ZNF423: variants seen among roughly 807,000 people sequenced by gnomAD.
ZNF423 encodes the protein Ebf-associated zinc finger protein.
A neutral mutation model predicts 95.8 loss-of-function variants in ZNF423; 12 were observed. That is an observed-to-expected ratio of 0.13 (90% CI 0.08 to 0.20). The LOEUF (loss-of-function observed/expected upper bound fraction) is 0.20. Ranked by LOEUF, ZNF423 falls within the 10% of genes least tolerant of loss-of-function variation. ZNF423 has a pLI of 1.00. For missense variants in ZNF423, 1,316 were observed against 1,737.1 expected, an observed-to-expected ratio of 0.76 and a Z score of 4.31; for synonymous variants, 749 against 711.9, an observed-to-expected ratio of 1.05 and a Z score of -0.83.
intron 7 of ZNF423, among the ~76,000 whole-genome samples, chr16:49,509,555 A>C (rs1367258468): frequency 6.6e-6 from 1 of 152,124 alleles, no homozygotes; most frequent in Non-Finnish European, 1.5e-5. Context: ...CTCATCATTA[A>C]TTTCTTTGTA....
chr16:49,698,863 T>G (rs2032070454), intron 3 of ZNF423, among the ~76,000 whole-genome samples: 1 of 152,208 alleles, frequency 6.6e-6, no homozygotes, highest in Non-Finnish European at 1.5e-5. Flanking sequence ...AAATTTAGAT[T>G]AATAAAGCAT....
At chr16:49,795,555 G>A (rs1230063582) in intron 1 of ZNF423, among the ~76,000 whole-genome samples, 2 of 152,192 alleles carry the variant, frequency 1.3e-5, no homozygotes, top group Admixed American at 6.5e-5. Flanking sequence ...CCTTCCCAGG[G>A]CTGAGTGTGA....
chr16:49,694,036 G>C (rs571641498), intron 3 of ZNF423, among the ~76,000 whole-genome samples: 25 of 152,346 alleles, frequency 1.6e-4, no homozygotes, highest in African/African-American at 6.0e-4. Context: ...CTAGAGCCAA[G>C]TCTCACGAAA....
intron 2 of ZNF423, among the ~76,000 whole-genome samples, chr16:49,766,444 T>C (rs1404497661): frequency 6.6e-6 from 1 of 152,208 alleles, no homozygotes; most frequent in Non-Finnish European, 1.5e-5. Flanking sequence ...TTCCGTCAGC[T>C]AGAGGGAGAC....
At chr16:49,750,385 G>A (rs2033611511) in intron 2 of ZNF423, among the ~76,000 whole-genome samples, 1 of 152,204 alleles carries the variant, frequency 6.6e-6, no homozygotes, top group Admixed American at 6.5e-5. Flanking sequence ...TGTCCTGGGG[G>A]ATCCCAGGTG....
intron 5 of ZNF423, among the ~76,000 whole-genome samples, chr16:49,617,274 A>C (rs573350980): frequency 6.6e-6 from 1 of 152,302 alleles, no homozygotes; most frequent in East Asian, 1.9e-4. Context: ...GAGGCTCTGA[A>C]GCCCACTGGG....
intron 1 of ZNF423, among the ~76,000 whole-genome samples, chr16:49,829,250 T>C (rs1375917278): frequency 1.3e-5 from 2 of 152,194 alleles, no homozygotes; most frequent in African/African-American, 4.8e-5. Flanking sequence ...CAATCTGGCA[T>C]TGGCAATCCT....
chr16:49,630,116 C>T (rs1020848021), intron 4 of ZNF423, among the ~76,000 whole-genome samples: 5 of 152,132 alleles, frequency 3.3e-5, no homozygotes, highest in African/African-American at 4.8e-5. Context: ...TGGAAAGGCC[C>T]TGGGAAGAGC....
At chr16:49,791,640 A>G (rs1408081461) in intron 1 of ZNF423, among the ~76,000 whole-genome samples, 1 of 152,198 alleles carries the variant, frequency 6.6e-6, no homozygotes, top group African/African-American at 2.4e-5. Flanking sequence ...AAGAGGTCAG[A>G]TATGTTAAAT....
At chr16:49,625,896 A>G (rs1972245179) in intron 5 of ZNF423, among the ~76,000 whole-genome samples, 1 of 152,236 alleles carries the variant, frequency 6.6e-6, no homozygotes, top group African/African-American at 2.4e-5. Flanking sequence ...TGACAATTGG[A>G]AAGCACTTTG....
At chr16:49,625,656 A>G (rs1054210710) in intron 5 of ZNF423, among the ~76,000 whole-genome samples, 1 of 152,204 alleles carries the variant, frequency 6.6e-6, no homozygotes, top group Non-Finnish European at 1.5e-5. Flanking sequence ...CTCTTGTGCC[A>G]AGTGTGTGAA....
chr16:49,677,312 G>GAA (rs1567284159), intron 3 of ZNF423, among the ~76,000 whole-genome samples: 100 of 19,552 alleles, frequency 5.1e-3, no homozygotes, highest in East Asian at 0.011. Context: ...AGAAGAGAAA[G>GAA]GAGGGGAAGG....
At chr16:49,588,600 T>C (rs1184341458) in intron 5 of ZNF423, among the ~76,000 whole-genome samples, 4 of 152,234 alleles carry the variant, frequency 2.6e-5, no homozygotes, top group Non-Finnish European at 5.9e-5. Flanking sequence ...TTCCATCCTC[T>C]ACATTCTCTT....
At chr16:49,548,728 C>T (rs1024407687) in intron 5 of ZNF423, among the ~76,000 whole-genome samples, 40 of 152,324 alleles carry the variant, frequency 2.6e-4, no homozygotes, top group African/African-American at 9.1e-4. Context: ...AATGACCTTG[C>T]TCCTCGCTGC....
intron 2 of ZNF423, among the ~76,000 whole-genome samples, chr16:49,749,980 T>C (rs1174123308): frequency 1.3e-5 from 2 of 152,166 alleles, no homozygotes; most frequent in Non-Finnish European, 2.9e-5. Context: ...TCCCAGTCCA[T>C]CCGTGCAGAT....
At chr16:49,672,748 A>G (rs975269099) in intron 3 of ZNF423, among the ~76,000 whole-genome samples, 2 of 152,248 alleles carry the variant, frequency 1.3e-5, no homozygotes, top group African/African-American at 4.8e-5. Flanking sequence ...ACCCCAGGCA[A>G]CGGAGGTTGC....
chr16:49,822,808 C>G, intron 1 of ZNF423: 1 of 1,212,378 alleles, frequency 8.2e-7, no homozygotes. Context: ...TGAAATAACA[C>G]TTGTATACCC....
chr16:49,537,371 A>T (rs1036646152), intron 5 of ZNF423, among the ~76,000 whole-genome samples: 1 of 152,158 alleles, frequency 6.6e-6, no homozygotes, highest in African/African-American at 2.4e-5. Flanking sequence ...TCTGATGCTG[A>T]GCTAAGTGGT....
At chr16:49,498,653 AT>A (rs1967261158) in intron 7 of ZNF423, among the ~76,000 whole-genome samples, 1 of 152,090 alleles carries the variant, frequency 6.6e-6, no homozygotes, top group Non-Finnish European at 1.5e-5. Flanking sequence ...CTCTGCTCCC[AT>A]CCCCTGTTCC....
Sources: gnomAD v4.1 joint callset for allele counts (sites outside exome capture counted in the v4.1 genomes callset) on GRCh38, gnomAD v4.1.1 for gene constraint, MANE v1.5 for transcripts, NCBI Gene and HGNC (gene_info 2026-07-23, HGNC 2026-07-21) for gene names.